Variants in DYSF observed in about 807,000 individuals in gnomAD.
The protein encoded by DYSF is dysferlin.
Under a neutral mutation model 274.9 loss-of-function variants are expected in DYSF, and 212 were observed. The observed-to-expected ratio is 0.77, with a 90% CI of 0.69 to 0.86. DYSF has a LOEUF of 0.86. Ranked by LOEUF, DYSF falls within the 40% of genes least tolerant of loss-of-function variation. The pLI is 0.00. For synonymous variants in DYSF, 1,091 were observed against 1,078.7 expected (o/e 1.01, Z -0.22); for missense variants, 2,666 against 2,783.2 (o/e 0.96, Z 0.95).
At chr2:71,599,042 C>T (rs1020842190) in intron 33 of DYSF, among the ~76,000 whole-genome samples, 1 of 152,228 alleles carries the variant, frequency 6.6e-6, no homozygotes, top group African/African-American at 2.4e-5. Flanking sequence ...AGGCCAGTCC[C>T]TTCTTCTCAT....
intron 40 of DYSF, among the ~76,000 whole-genome samples, chr2:71,618,417 G>GCA (rs1221679589): frequency 2.8e-3 from 359 of 128,644 alleles, no homozygotes; most frequent in Middle Eastern, 6.5e-3. Context: ...GAGGTGGTGT[G>GCA]TGTGTGGTAG....
chr2:71,602,033 T>C (rs537078677), intron 35 of DYSF, among the ~76,000 whole-genome samples: 5 of 152,188 alleles, frequency 3.3e-5, no homozygotes, highest in Non-Finnish European at 7.3e-5. Flanking sequence ...AGACCACATT[T>C]CCCACTGAAT....
rs543664648 is a variant in DYSF at position 71,669,682 on chromosome 2, A to G, written c.5720A>G (p.Asn1907Ser). The change falls in exon 51 of 56, where the codon AAC becomes AGC. Residue 1907 changes from asparagine to serine, a missense_variant. This residue lies in a region of DYSF where 1,460 missense variants were observed against 1,502.1 expected (regional missense o/e 0.97). Coordinates refer to ENST00000410020, the MANE Select transcript of DYSF (RefSeq NM_001130987.2). ...TCCCTGGGAGGTGAAGGCAACTTCA[A>G]CTGGAGGTTCATTTTCCCCTTCGAC... ...YRSLGGEGNF[N>S]WRFIFPFDYL... The G allele has an allele frequency of 1.9e-6, 3 of 1,614,202 alleles. No individual in the cohort carries two copies. Among genetic ancestry groups the G allele is most frequent in the Middle Eastern group, 1.6e-4 (1 of 6,062 alleles).
intron 28 of DYSF, 100 bp from the exon 29 acceptor site, chr2:71,570,499 G>T: frequency 6.5e-7 from 1 of 1,535,060 alleles, no homozygotes; most frequent in Admixed American, 1.9e-5. Flanking sequence ...AGAGTCAGTG[G>T]CCGCTCAAGA....
chr2:71,480,996 A>T, intron 2 of DYSF, 58 bp downstream of exon 2: 2 of 1,544,888 alleles, frequency 1.3e-6, no homozygotes, highest in Admixed American at 3.3e-5. Flanking sequence ...GTCTGCAGGG[A>T]CAAGTTAGGG....
At chr2:71,608,578 G>C (rs1304773524) in intron 36 of DYSF, among the ~76,000 whole-genome samples, 1 of 152,166 alleles carries the variant, frequency 6.6e-6, no homozygotes, top group East Asian at 1.9e-4. Flanking sequence ...CTCCGCAGCT[G>C]TGTGCTCCTG....
chr2:71,651,652 C>T (rs1324746906), intron 42 of DYSF, among the ~76,000 whole-genome samples: 1 of 152,022 alleles, frequency 6.6e-6, no homozygotes, highest in Non-Finnish European at 1.5e-5. Flanking sequence ...TGTAGAAAAC[C>T]TCGATTTTTA....
At chr2:71,505,850 G>A (rs888413894) in intron 4 of DYSF, among the ~76,000 whole-genome samples, 11 of 152,246 alleles carry the variant, frequency 7.2e-5, no homozygotes, top group Admixed American at 6.5e-4. Context: ...TCACAAAGGA[G>A]GACAAGAGCC....
At chr2:71,518,248 C>A (rs1040467978) in intron 10 of DYSF, among the ~76,000 whole-genome samples, 1 of 150,038 alleles carries the variant, frequency 6.7e-6, no homozygotes, top group Admixed American at 6.7e-5. Context: ...TAAAGGAGAC[C>A]TGTATGATTT....
chr2:71,659,577 G>A (rs1451425078), intron 44 of DYSF, among the ~76,000 whole-genome samples: 1 of 152,120 alleles, frequency 6.6e-6, no homozygotes, highest in African/African-American at 2.4e-5. Flanking sequence ...TTGATATTTT[G>A]TTCATCATGG....
In DYSF at chr2:71,669,607, G is replaced by A. The variant is rs267599441; in HGVS notation, c.5645G>A (p.Trp1882Ter). 6.2e-7 allele frequency: 1 copy of A among 1,614,134 alleles called. No individual in the cohort carries two copies. The highest frequency in any genetic ancestry group is 8.5e-7 in the Non-Finnish European group (1 of 1,180,024). Residue 1882 changes from tryptophan (W) to a stop codon, truncating the protein, a stop_gained and splice_region_variant, in exon 51 of 56, where the codon TGG (tryptophan) becomes TAG (stop). Transcript: ENST00000410020. LOFTEE classifies it high-confidence loss of function. Reference sequence around the variant, plus strand: ...TCTCTAAAAACATGTATGTCTAGTTGGATGATTGGCTTTGAAGAACACAAG... The same window carrying A: ...TCTCTAAAAACATGTATGTCTAGTTAGATGATTGGCTTTGAAGAACACAAG... ...EKMSDIYVKG[W>*]MIGFEEHKQK...
At chr2:71,654,456 T>G (rs1404730927) in intron 42 of DYSF, among the ~76,000 whole-genome samples, 3 of 152,190 alleles carry the variant, frequency 2.0e-5, no homozygotes, top group Non-Finnish European at 2.9e-5. Flanking sequence ...TAGGAGATTT[T>G]AAAACTCCCA....
At chr2:71,527,890 C>A in intron 13 of DYSF, among the ~76,000 whole-genome samples, 1 of 152,068 alleles carries the variant, frequency 6.6e-6, no homozygotes, top group South Asian at 2.1e-4. Context: ...CTTGGTTAAC[C>A]TCAGGTAAAT....
chr2:71,575,814 G>A (rs935158828), intron 30 of DYSF, among the ~76,000 whole-genome samples: 3 of 150,098 alleles, frequency 2.0e-5, no homozygotes, highest in South Asian at 2.1e-4. Flanking sequence ...GGAAGAACCC[G>A]AGAGGTGAAG....
chr2:71,669,333 C>T lies in DYSF; in HGVS notation c.5642+126C>T, dbSNP rs2095076880. ...AACAAACAAACTTCCAACGAGGGCT[C>T]CTGGGGGTGGTCCCTGCCTTTGGGG... On this transcript the variant is annotated intron_variant, in intron 50 of 55. Transcript: ENST00000410020. 15 of 940,658 alleles carry T rather than the reference C, an allele frequency of 1.6e-5. No individual in the cohort carries two copies. The South Asian group carries it at 2.0e-4, about 12-fold the overall frequency. The allele number at this position is 940,658 out of a possible 1,614,324, so 58.3% of individuals were successfully genotyped here. A position where few individuals can be genotyped will look rare whatever the true frequency, so the allele number is the denominator to read the frequency against.
chr2:71,633,782 C>T (rs781434045), intron 41 of DYSF, among the ~76,000 whole-genome samples: 6 of 152,066 alleles, frequency 3.9e-5, no homozygotes, highest in Non-Finnish European at 5.9e-5. Context: ...ATGGATTTGA[C>T]CAGAAATTTT....
chr2:71,668,543 G>A (rs2095058562), intron 48 of DYSF, among the ~76,000 whole-genome samples: 1 of 152,162 alleles, frequency 6.6e-6, no homozygotes, highest in African/African-American at 2.4e-5. Flanking sequence ...CCTGACCCTT[G>A]ACCCCCAGGC....
intron 32 of DYSF, among the ~76,000 whole-genome samples, chr2:71,596,586 G>A (rs11674138): frequency 0.16 from 24,780 of 152,068 alleles, 2,295 homozygotes; most frequent in East Asian, 0.34. Context: ...GGGGCAGGAC[G>A]GAAAGGGCTC....
intron 14 of DYSF, 92 bp downstream of exon 14, chr2:71,528,493 G>A (rs1342743316): frequency 2.8e-6 from 3 of 1,070,526 alleles, no homozygotes; most frequent in African/African-American, 1.5e-5. Context: ...AGAGTGAGAT[G>A]CCCCCACCAG....
Sources: gnomAD v4.1 joint callset for allele counts (sites outside exome capture counted in the v4.1 genomes callset) on GRCh38, gnomAD v4.1.1 for gene constraint, gnomAD v4.1.1 regional missense constraint, MANE v1.5 for transcripts, NCBI Gene and HGNC (gene_info 2026-07-23, HGNC 2026-07-21) for gene names.